FHOD3: variants seen among roughly 807,000 people sequenced by gnomAD.
The protein encoded by FHOD3 is formin homology 2 domain containing 3.
In FHOD3, 90 loss-of-function variants were observed where a neutral mutation model predicts 173.0. That is an observed-to-expected ratio of 0.52 (90% CI 0.44 to 0.62). The LOEUF (loss-of-function observed/expected upper bound fraction) is 0.62. FHOD3 is among the 20% of genes least tolerant of loss of function. The pLI is 0.00. For missense variants in FHOD3, 1,945 were observed against 2,034.7 expected, an observed-to-expected ratio of 0.96 and a Z score of 0.85; for synonymous variants, 828 against 823.0, an observed-to-expected ratio of 1.01 and a Z score of -0.10.
At chr18:36,417,385 C>A (rs1257634574) in intron 3 of FHOD3, among the ~76,000 whole-genome samples, 1 of 152,180 alleles carries the variant, frequency 6.6e-6, no homozygotes, top group Non-Finnish European at 1.5e-5. Flanking sequence ...CATGTCCCTG[C>A]AAAGGACATG....
At chr18:36,622,596 G>A (rs2033800966) in intron 9 of FHOD3, among the ~76,000 whole-genome samples, 1 of 152,194 alleles carries the variant, frequency 6.6e-6, no homozygotes, top group Non-Finnish European at 1.5e-5. Context: ...TAGCAAATGA[G>A]TCACTCCATT....
At chr18:36,456,862 GCTGA>G (rs1397436074) in intron 3 of FHOD3, among the ~76,000 whole-genome samples, 4 of 152,130 alleles carry the variant, frequency 2.6e-5, no homozygotes, top group African/African-American at 4.8e-5. Flanking sequence ...GCCATTTAGT[GCTGA>G]CTAAGTGTGA....
chr18:36,453,671 G>A (rs2051998527), intron 3 of FHOD3, among the ~76,000 whole-genome samples: 1 of 152,242 alleles, frequency 6.6e-6, no homozygotes, highest in African/African-American at 2.4e-5. Context: ...AGGGATGGCT[G>A]GAACAGGGAG....
chr18:36,601,485 C>G (rs1355644535), intron 7 of FHOD3, among the ~76,000 whole-genome samples: 1 of 152,150 alleles, frequency 6.6e-6, no homozygotes, highest in Non-Finnish European at 1.5e-5. Context: ...TCTCCATTCA[C>G]TATTCAGCAG....
chr18:36,576,284 C>G (rs1196286598), intron 5 of FHOD3, among the ~76,000 whole-genome samples, 167 bp from the exon 6 acceptor site: 1 of 152,212 alleles, frequency 6.6e-6, no homozygotes, highest in Non-Finnish European at 1.5e-5. Flanking sequence ...GACACTTTCT[C>G]TCTGAAATGA....
At chr18:36,745,295 G>A (rs1302018877) in intron 23 of FHOD3, among the ~76,000 whole-genome samples, 2 of 152,164 alleles carry the variant, frequency 1.3e-5, no homozygotes, top group African/African-American at 2.4e-5. Context: ...AGAAAGCGAA[G>A]CCTTTCCTAT....
intron 1 of FHOD3, among the ~76,000 whole-genome samples, chr18:36,354,856 A>G (rs1220451881): frequency 1.3e-5 from 2 of 150,164 alleles, no homozygotes; most frequent in South Asian, 2.1e-4. Flanking sequence ...GTGCATGCCT[A>G]TAATCCCAGC....
chr18:36,445,069 A>G (rs1191346199), intron 3 of FHOD3, among the ~76,000 whole-genome samples: 2 of 152,224 alleles, frequency 1.3e-5, no homozygotes, highest in African/African-American at 4.8e-5. Context: ...GCTGTGATCT[A>G]TGTATGTCCA....
intron 27 of FHOD3, among the ~76,000 whole-genome samples, chr18:36,761,563 G>A (rs1404397169): frequency 1.3e-5 from 2 of 152,000 alleles, no homozygotes; most frequent in Non-Finnish European, 2.9e-5. Flanking sequence ...GCGCTTCTCC[G>A]CACGCTGCTC....
At chr18:36,509,944 G>T (rs949859211) in intron 4 of FHOD3, among the ~76,000 whole-genome samples, 1 of 152,158 alleles carries the variant, frequency 6.6e-6, no homozygotes, top group Admixed American at 6.5e-5. Context: ...ACACATGTGC[G>T]CAAAAACAGC....
intron 7 of FHOD3, among the ~76,000 whole-genome samples, chr18:36,596,319 T>C (rs1472047929): frequency 1.8e-5 from 2 of 112,588 alleles, no homozygotes; most frequent in Admixed American, 2.1e-4. Flanking sequence ...CATGCCCAGC[T>C]AATTTTTTTT....
At chr18:36,536,880 T>C (rs2057016675) in intron 5 of FHOD3, among the ~76,000 whole-genome samples, 1 of 152,220 alleles carries the variant, frequency 6.6e-6, no homozygotes, top group South Asian at 2.1e-4. Flanking sequence ...GCTGAAATAC[T>C]ATAATTTTTC....
At chr18:36,693,960 G>A (rs149548170) in intron 17 of FHOD3, among the ~76,000 whole-genome samples, 61 of 152,302 alleles carry the variant, frequency 4.0e-4, no homozygotes, top group African/African-American at 1.4e-3. Context: ...GTGTGTGTAC[G>A]TCCTTATGTA....
At position 36,683,188 on chromosome 18, in the gene FHOD3, A is replaced by G. The variant is rs573256859; in HGVS notation, c.1970+1618A>G. ...GGTAGTTCTGGAAGTTGTCACTTTTAGAAAGGCCAATTTTTTAAATCTCTG... is the reference window on the plus strand; with the variant it reads ...GGTAGTTCTGGAAGTTGTCACTTTTGGAAAGGCCAATTTTTTAAATCTCTG... On this transcript the variant is annotated intron_variant, in intron 15 of 28. Coordinates refer to ENST00000590592, the MANE Select transcript of FHOD3 (RefSeq NM_001281740.3). Among the ~76,000 whole-genome samples the G allele has an allele frequency of 3.3e-5, 5 of 152,330 alleles. No homozygotes were observed. In the South Asian group the frequency reaches 8.3e-4, roughly 25 times the overall value.
At position 36,377,110 on chromosome 18, in the gene FHOD3, G is replaced by A. The variant is rs116455775; in HGVS notation, c.337+4366G>A. On this transcript the variant is annotated intron_variant, in intron 3 of 28. Transcript: ENST00000590592. The stretch of plus-strand genomic sequence containing the variant: ...TTGAGCCTCCTGTAGCTACAGTATA[G>A]GGGTCCCTGGGCTTCTGTATTCGAA... 7.0e-3 allele frequency among the ~76,000 whole-genome samples: 1,071 copies of A among 152,290 alleles called. 12 individuals carry two copies. The highest frequency in any genetic ancestry group is 0.025 in the African/African-American group (1,032 of 41,552).
intron 19 of FHOD3, among the ~76,000 whole-genome samples, chr18:36,720,815 C>T (rs1464712422): frequency 1.3e-5 from 2 of 150,512 alleles, no homozygotes; most frequent in Non-Finnish European, 2.9e-5. Flanking sequence ...TTCCTCCCCT[C>T]ATTGCCCACT....
intron 3 of FHOD3, among the ~76,000 whole-genome samples, chr18:36,373,194 C>T (rs1042749005): frequency 2.0e-5 from 3 of 152,184 alleles, no homozygotes; most frequent in Non-Finnish European, 4.4e-5. Context: ...GCAAGATGCT[C>T]TTAAGCAAGC....
intron 1 of FHOD3, among the ~76,000 whole-genome samples, chr18:36,331,357 C>T (rs1261412795): frequency 6.6e-6 from 1 of 152,150 alleles, no homozygotes; most frequent in Non-Finnish European, 1.5e-5. Context: ...TTATACGAGG[C>T]CTCTTGTTCT....
chr18:36,537,782 G>T (rs2057055032), intron 5 of FHOD3, among the ~76,000 whole-genome samples: 1 of 152,116 alleles, frequency 6.6e-6, no homozygotes, highest in Non-Finnish European at 1.5e-5. Flanking sequence ...ACAGTTGGTA[G>T]AATAATTAGA....
Sources: allele counts gnomAD v4.1 joint callset (sites outside exome capture counted in the v4.1 genomes callset), GRCh38; gene constraint gnomAD v4.1.1; transcripts MANE v1.5; gene names NCBI Gene and HGNC (gene_info 2026-07-23, HGNC 2026-07-21).